PTPRQ: variants seen among roughly 807,000 people sequenced by gnomAD.
PTPRQ encodes the protein protein tyrosine phosphatase receptor type Q.
In PTPRQ, 199 loss-of-function variants were observed where a neutral mutation model predicts 246.0. That is an observed-to-expected ratio of 0.81 (90% CI 0.72 to 0.91). PTPRQ has a LOEUF of 0.91. PTPRQ is among the 40% of genes least tolerant of loss of function. The pLI, the probability that PTPRQ is intolerant of heterozygous loss-of-function variation, is 0.00. For synonymous variants in PTPRQ, 869 were observed against 853.2 expected (o/e 1.02, Z -0.32); for missense variants, 2,624 against 2,528.4 (o/e 1.04, Z -0.81).
chr12:80,676,485 A>G (rs549238687), intron 43 of PTPRQ, among the ~76,000 whole-genome samples: 17 of 152,286 alleles, frequency 1.1e-4, no homozygotes, highest in African/African-American at 4.1e-4. Context: ...TATACTAAAA[A>G]TACAAAATCA....
At chr12:80,607,750 A>T (rs916603327) in intron 27 of PTPRQ, among the ~76,000 whole-genome samples, 11 of 150,882 alleles carry the variant, frequency 7.3e-5, no homozygotes, top group Non-Finnish European at 1.5e-4. Context: ...TAAAAGTGTA[A>T]ACAAAAATTG....
chr12:80,461,787 GT>G (rs146212962), intron 6 of PTPRQ, among the ~76,000 whole-genome samples: 5 of 150,910 alleles, frequency 3.3e-5, no homozygotes, highest in South Asian at 2.1e-4. Flanking sequence ...TAAGTTTGAA[GT>G]TTTTTTGTTC....
rs1465095972 is a variant in PTPRQ, at chr12:80,623,881, CA to C, written c.5686+1748del. Among the ~76,000 whole-genome samples, 3 of 152,224 alleles carry C rather than the reference CA, an allele frequency of 2.0e-5. No individual in the cohort carries two copies. The East Asian group carries it at 5.8e-4, about 29-fold the overall frequency. The stretch of plus-strand genomic sequence containing the variant: ...GCCAAGCATCAGGAACCACAGTGCA[CA>C]GGAGCATGATTCCTTAGATTCTGCT... On this transcript the variant is annotated intron_variant, in intron 33 of 44. Transcript: ENST00000644991.
At chr12:80,564,888 AG>A (rs1045485450) in intron 25 of PTPRQ, among the ~76,000 whole-genome samples, 1 of 152,214 alleles carries the variant, frequency 6.6e-6, no homozygotes, top group African/African-American at 2.4e-5. Context: ...ATTATGAAGT[AG>A]GGAAATTTAC....
At chr12:80,674,482 C>T (rs1901071993) in intron 43 of PTPRQ, among the ~76,000 whole-genome samples, 1 of 152,082 alleles carries the variant, frequency 6.6e-6, no homozygotes, top group African/African-American at 2.4e-5. Context: ...AATACCATGT[C>T]ATGGAACATT....
chr12:80,665,107 G>A (rs1433239016), intron 39 of PTPRQ, among the ~76,000 whole-genome samples: 1 of 151,860 alleles, frequency 6.6e-6, no homozygotes, highest in African/African-American at 2.4e-5. Context: ...TCAAAAGTAG[G>A]GAAGCTGATA....
intron 34 of PTPRQ, 27 bp from the exon 35 acceptor site, chr12:80,634,915 CCTT>C: frequency 6.5e-7 from 1 of 1,543,804 alleles, no homozygotes; most frequent in Non-Finnish European, 8.7e-7. Context: ...TGTGAAACTC[CCTT>C]CTTGGACTTT....
chr12:80,615,074 T>C (rs1898700122), intron 29 of PTPRQ, among the ~76,000 whole-genome samples: 1 of 151,068 alleles, frequency 6.6e-6, no homozygotes, highest in Non-Finnish European at 1.5e-5. Flanking sequence ...ATGACTTCTT[T>C]GCACACTGCA....
At chr12:80,558,131 T>TTCTTTTCTTC (rs2120905448) in intron 25 of PTPRQ, among the ~76,000 whole-genome samples, 1 of 121,884 alleles carries the variant, frequency 8.2e-6, no homozygotes, top group South Asian at 2.7e-4. Flanking sequence ...TTCTTTTCTT[T>TTCTTTTCTTC]TCTTTTCTTT....
Position 80,669,347 on chromosome 12 carries a change from C to T in PTPRQ, c.6336C>T (p.Cys2112=), listed in dbSNP as rs988534703. The stretch of plus-strand genomic sequence containing the variant: ...ATTTTCTCTGAATGCAGATCAGATG[C>T]CATCAGTATTGGCCAGAGGACAACA... ...TQCFEKGRIR[C]HQYWPEDNKP... is the part of the protein sequence containing the mutation. Residue 2112 remains cysteine (C), a synonymous_variant, in exon 41 of 45, where the codon TGC becomes TGT. Coordinates refer to ENST00000644991, the MANE Select transcript of PTPRQ (RefSeq NM_001145026.2). 2 of 1,549,312 alleles carry T rather than the reference C, an allele frequency of 1.3e-6. No homozygotes were observed. Among genetic ancestry groups the T allele is most frequent in the South Asian group, 1.2e-5 (1 of 83,660 alleles).
chr12:80,504,713 T>C (rs1894900750), intron 14 of PTPRQ, among the ~76,000 whole-genome samples: 1 of 151,912 alleles, frequency 6.6e-6, no homozygotes, highest in Non-Finnish European at 1.5e-5. Context: ...GGACTACAGT[T>C]TTATTTTAAA....
chr12:80,496,546 T>TG lies in PTPRQ; in HGVS notation c.2272+15_2272+16insG, dbSNP rs56929349. On this transcript the variant is annotated intron_variant, in intron 14 of 44. Transcript: ENST00000644991. ...TTCGGAGACTGGTGAGCTTTTGTTT[T>TG]CTTTGTTTGTTTAATAATACACAGT... is the stretch of plus-strand genomic sequence containing the variant. The TG allele has an allele frequency of 0.9, 1,383,414 of 1,534,094 alleles. 629,448 individuals are homozygous for TG. Among genetic ancestry groups the TG allele is most frequent in the Non-Finnish European group, 0.93 (1,066,470 of 1,142,832 alleles).
At chr12:80,624,293 C>T (rs1173356057) in intron 33 of PTPRQ, among the ~76,000 whole-genome samples, 1 of 152,118 alleles carries the variant, frequency 6.6e-6, no homozygotes, top group Non-Finnish European at 1.5e-5. Flanking sequence ...AGGAAGGGTC[C>T]TATGTGTCTA....
intron 7 of PTPRQ, among the ~76,000 whole-genome samples, chr12:80,471,688 G>T (rs1224092532): frequency 6.7e-6 from 1 of 148,948 alleles, no homozygotes; most frequent in African/African-American, 2.5e-5. Flanking sequence ...CGTTTTAGCC[G>T]GGATGGTCTC....
intron 32 of PTPRQ, 50 bp from the exon 33 acceptor site, chr12:80,622,010 GA>G: frequency 8.7e-7 from 1 of 1,153,266 alleles, no homozygotes; most frequent in Non-Finnish European, 1.2e-6. Context: ...TTATTCATAG[GA>G]AAAATCACAT....
chr12:80,667,855 G>A (rs781094652), intron 39 of PTPRQ, among the ~76,000 whole-genome samples: 2 of 151,794 alleles, frequency 1.3e-5, no homozygotes, highest in Admixed American at 6.6e-5. Context: ...TAGGTCTTTC[G>A]GTTGAGACTG....
At chr12:80,529,211 G>C (rs1032243619) in intron 17 of PTPRQ, among the ~76,000 whole-genome samples, 1 of 152,170 alleles carries the variant, frequency 6.6e-6, no homozygotes, top group Non-Finnish European at 1.5e-5. Context: ...GAACATCACT[G>C]GTTCATATGA....
chr12:80,592,598 G>T (rs969634253), intron 26 of PTPRQ, among the ~76,000 whole-genome samples: 3 of 152,030 alleles, frequency 2.0e-5, no homozygotes, highest in Admixed American at 6.6e-5. Flanking sequence ...TAAAAATAAG[G>T]CATTCATAGA....
chr12:80,458,583 A>G (rs1893049386), intron 4 of PTPRQ, among the ~76,000 whole-genome samples: 1 of 151,770 alleles, frequency 6.6e-6, no homozygotes, highest in South Asian at 2.1e-4. Flanking sequence ...GATTTCTTTC[A>G]AAAATGACTT....
Sources: gnomAD v4.1 joint callset for allele counts (sites outside exome capture counted in the v4.1 genomes callset) on GRCh38, gnomAD v4.1.1 for gene constraint, MANE v1.5 for transcripts, NCBI Gene and HGNC (gene_info 2026-07-23, HGNC 2026-07-21) for gene names.